Variants in SPP2 observed in about 807,000 individuals in gnomAD.
SPP2 encodes secreted phosphoprotein 2.
In SPP2, 34 loss-of-function variants were observed where a neutral mutation model predicts 28.8. That is an observed-to-expected ratio of 1.18 (90% CI 0.90 to 1.57). The LOEUF is 1.57. Among genes scored for constraint, SPP2 ranks in the 40% most tolerant of loss-of-function variants. The pLI, the probability that SPP2 is intolerant of heterozygous loss-of-function variation, is 0.00. For synonymous variants in SPP2, 96 were observed against 89.4 expected (o/e 1.07, Z -0.42); for missense variants, 269 against 263.9 (o/e 1.02, Z -0.13).
At chr2:234,052,890 G>A (rs966392529) in intron 2 of SPP2, among the ~76,000 whole-genome samples, 1 of 151,866 alleles carries the variant, frequency 6.6e-6, no homozygotes, top group African/African-American at 2.4e-5. Context: ...GATTTATGTT[G>A]TGTGTATTAA....
In SPP2 at chr2:234,060,589, A is replaced by G; in HGVS notation, c.444+110A>G. 4 of 798,116 alleles carry G rather than the reference A, an allele frequency of 5.0e-6. No individual in the cohort carries two copies. In the South Asian group the frequency reaches 6.2e-5, roughly 12 times the overall value. 49.4% of individuals were successfully genotyped at this position (798,116 alleles called of 1,614,324 possible). ...GCTGGATCATCACCTGGGCTTGGGG[A>G]TGCCGAACTCTGCTGACACAGTGGG... On this transcript the variant is annotated intron_variant, in intron 4 of 7. Transcript: ENST00000168148.
At chr2:234,076,524 C>T (rs538872061) in intron 7 of SPP2, among the ~76,000 whole-genome samples, 2 of 152,244 alleles carry the variant, frequency 1.3e-5, no homozygotes, top group African/African-American at 4.8e-5. Context: ...TTTGTAACCC[C>T]CAGCAAATGC....
Position 234,067,787 on chromosome 2 carries a change from A to C in SPP2, c.550+513A>C, listed in dbSNP as rs1693856430. On this transcript the variant is annotated intron_variant, in intron 6 of 7. Coordinates refer to ENST00000168148, the MANE Select transcript of SPP2 (RefSeq NM_006944.3). ...GGCCAGACTCCGTCTCAAAAAAAAA[A>C]AAAAAAAAAAAAAAAAAAAAAGTTA... is the stretch of plus-strand genomic sequence containing the variant. Among the ~76,000 whole-genome samples the C allele has an allele frequency of 4.8e-5, 7 of 145,602 alleles. No homozygotes were observed. The South Asian group carries it at 1.5e-3, about 31-fold the overall frequency.
intron 2 of SPP2, among the ~76,000 whole-genome samples, chr2:234,055,688 A>G (rs1270596239): frequency 6.7e-6 from 1 of 150,048 alleles, no homozygotes; most frequent in Non-Finnish European, 1.5e-5. Flanking sequence ...TCTGAGAAAC[A>G]CTCACTATAA....
At position 234,069,192 on chromosome 2, in the gene SPP2, AAGAG is replaced by A. The variant is rs143384388; in HGVS notation, c.551-716_551-713del. Among the ~76,000 whole-genome samples the A allele has an allele frequency of 3.6e-3, 534 of 149,756 alleles. 5 individuals carry two copies. Among genetic ancestry groups the A allele is most frequent in the African/African-American group, 0.013 (515 of 40,824 alleles). ...CCCCCAGAGATGATTATTTGAGAGA[AAGAG>A]AGAGAGAGAGAGAGAGAGAATGAGC... On this transcript the variant is annotated intron_variant, in intron 6 of 7. Transcript: ENST00000168148.
intron 4 of SPP2, among the ~76,000 whole-genome samples, chr2:234,062,502 T>C (rs981213445): frequency 8.6e-5 from 13 of 151,942 alleles, no homozygotes; most frequent in African/African-American, 2.7e-4. Flanking sequence ...ACTTTGAGGG[T>C]CTTGTCGAGG....
At chr2:234,075,446 G>A (rs1690876804) in intron 7 of SPP2, among the ~76,000 whole-genome samples, 1 of 152,142 alleles carries the variant, frequency 6.6e-6, no homozygotes, top group South Asian at 2.1e-4. Flanking sequence ...CTTCACTGCT[G>A]TCCTATCCCC....
At position 234,067,777 on chromosome 2, in the gene SPP2, C is replaced by CAAA. The variant is rs56184185; in HGVS notation, c.550+532_550+534dup. ...GGGCGACAGAGGCCAGACTCCGTCT[C>CAAA]AAAAAAAAAAAAAAAAAAAAAAAAA... On this transcript the variant is annotated intron_variant, in intron 6 of 7. Coordinates refer to ENST00000168148, the MANE Select transcript of SPP2 (RefSeq NM_006944.3). 2.9e-3 allele frequency among the ~76,000 whole-genome samples: 184 copies of CAAA among 63,492 alleles called. 5 individuals are homozygous for CAAA. The highest frequency in any genetic ancestry group is 0.012 in the African/African-American group (165 of 14,334). The allele number at this position is 63,492 out of a possible 152,430, so 41.7% of individuals were successfully genotyped here.
chr2:234,073,451 C>A (rs957338428), intron 7 of SPP2, among the ~76,000 whole-genome samples: 9 of 152,256 alleles, frequency 5.9e-5, no homozygotes, highest in Admixed American at 1.3e-4. Context: ...GAGACTTGGG[C>A]TATTTGTTAT....
intron 6 of SPP2, 29 bp from the exon 7 acceptor site, chr2:234,069,899 G>T: frequency 1.3e-6 from 2 of 1,547,850 alleles, no homozygotes; most frequent in Non-Finnish European, 1.8e-6. Context: ...GTGACTGACA[G>T]AGCCTATGCT....
chr2:234,064,218 A>C (rs1574830811), intron 4 of SPP2, among the ~76,000 whole-genome samples: 2 of 127,544 alleles, frequency 1.6e-5, no homozygotes, highest in South Asian at 2.7e-4. Context: ...TCCTTCTCTG[A>C]GCCTCCTCCA....
At chr2:234,057,499 C>T (rs899536048) in intron 2 of SPP2, among the ~76,000 whole-genome samples, 2 of 152,184 alleles carry the variant, frequency 1.3e-5, no homozygotes, top group African/African-American at 2.4e-5. Flanking sequence ...CTTCCCTCAC[C>T]CCCATTGCCA....
At chr2:234,053,667 C>A (rs1045241124) in intron 2 of SPP2, among the ~76,000 whole-genome samples, 3 of 152,094 alleles carry the variant, frequency 2.0e-5, no homozygotes, top group Non-Finnish European at 4.4e-5. Flanking sequence ...AAGTTACTCA[C>A]CTCCTGGGCT....
chr2:234,063,701 G>A (rs530873423), intron 4 of SPP2, among the ~76,000 whole-genome samples: 1 of 152,134 alleles, frequency 6.6e-6, no homozygotes, highest in Non-Finnish European at 1.5e-5. Flanking sequence ...TCAGGAGTAC[G>A]ATGCTGAAAT....
intron 2 of SPP2, among the ~76,000 whole-genome samples, chr2:234,052,251 C>T (rs970423636): frequency 1.3e-5 from 2 of 152,148 alleles, no homozygotes; most frequent in Admixed American, 1.3e-4. Context: ...TGAGCTGCTC[C>T]TGGATCAGAA....
At chr2:234,067,638 G>A (rs1409152100) in intron 6 of SPP2, among the ~76,000 whole-genome samples, 1 of 151,892 alleles carries the variant, frequency 6.6e-6, no homozygotes, top group East Asian at 1.9e-4. Context: ...TTAGCCGGGC[G>A]TAGTGGTGGG....
intron 2 of SPP2, among the ~76,000 whole-genome samples, chr2:234,051,890 T>C (rs545597269): frequency 2.2e-4 from 33 of 152,276 alleles, no homozygotes; most frequent in African/African-American, 7.9e-4. Context: ...CAGATGGACA[T>C]TGCTTTCTCT....
At chr2:234,063,741 G>T (rs1574830444) in intron 4 of SPP2, among the ~76,000 whole-genome samples, 1 of 152,240 alleles carries the variant, frequency 6.6e-6, no homozygotes, top group East Asian at 1.9e-4. Flanking sequence ...GTAGGTTGGA[G>T]CTCTCTTTCT....
At chr2:234,069,192 A>G (rs78327037) in intron 6 of SPP2, among the ~76,000 whole-genome samples, 1 of 149,678 alleles carries the variant, frequency 6.7e-6, no homozygotes, top group Non-Finnish European at 1.5e-5. Context: ...ATTTGAGAGA[A>G]AGAGAGAGAG....
Sources: allele counts gnomAD v4.1 joint callset (sites outside exome capture counted in the v4.1 genomes callset), GRCh38; gene constraint gnomAD v4.1.1; transcripts MANE v1.5; gene names NCBI Gene and HGNC (gene_info 2026-07-23, HGNC 2026-07-21).